The following PRKN variants were observed in gnomAD, a reference collection of about 807,000 sequenced individuals.
PRKN encodes E3 ubiquitin-protein ligase parkin.
PRKN carries 56 observed loss-of-function variants against 59.5 expected under a neutral mutation model. The observed-to-expected ratio is 0.94, with a 90% CI of 0.76 to 1.18. The LOEUF is 1.18. Among genes scored for constraint, PRKN ranks in the 50% most tolerant of loss-of-function variants. The pLI is 0.00. For missense variants in PRKN, 657 were observed against 596.4 expected, an observed-to-expected ratio of 1.10 and a Z score of -1.06; for synonymous variants, 250 against 222.1, an observed-to-expected ratio of 1.13 and a Z score of -1.12.
intron 1 of PRKN, among the ~76,000 whole-genome samples, chr6:162,694,256 AAG>A (rs1317584611): frequency 6.6e-6 from 1 of 151,092 alleles, no homozygotes; most frequent in African/African-American, 2.4e-5. Context: ...AAAAAAAAAA[AAG>A]AAGAAATATG....
intron 2 of PRKN, among the ~76,000 whole-genome samples, chr6:162,284,300 C>A (rs1486284176): frequency 1.4e-5 from 2 of 141,500 alleles, no homozygotes; most frequent in Admixed American, 1.5e-4. Context: ...TCTCGGCTCA[C>A]TGCAACGTCC....
chr6:161,806,989 A>G (rs1234884404), intron 6 of PRKN, among the ~76,000 whole-genome samples: 1 of 152,218 alleles, frequency 6.6e-6, no homozygotes, highest in Non-Finnish European at 1.5e-5. Flanking sequence ...TGAGGATGGT[A>G]GTTACCGATT....
chr6:162,250,040 G>A (rs1257603047), intron 3 of PRKN, among the ~76,000 whole-genome samples: 5 of 152,008 alleles, frequency 3.3e-5, no homozygotes, highest in East Asian at 1.9e-4. Context: ...CAGCTACTCC[G>A]GAGGCTGAGG....
chr6:162,683,777 A>G (rs191002035), intron 1 of PRKN, among the ~76,000 whole-genome samples: 158 of 152,292 alleles, frequency 1.0e-3, no homozygotes, highest in African/African-American at 3.7e-3. Flanking sequence ...CAGGAAACAA[A>G]AAGACAACTT....
chr6:162,426,471 G>A (rs1441560025), intron 2 of PRKN, among the ~76,000 whole-genome samples: 1 of 152,198 alleles, frequency 6.6e-6, no homozygotes. Context: ...TTTTTTCTGA[G>A]ACAAGGTCTG....
chr6:161,506,091 C>T (rs1007646982), intron 9 of PRKN, among the ~76,000 whole-genome samples: 17 of 150,814 alleles, frequency 1.1e-4, no homozygotes, highest in Non-Finnish European at 1.8e-4. Context: ...ATGGGGATGG[C>T]ATTGAATCTA....
At chr6:162,013,251 C>T (rs1782805006) in intron 5 of PRKN, among the ~76,000 whole-genome samples, 1 of 152,196 alleles carries the variant, frequency 6.6e-6, no homozygotes, top group South Asian at 2.1e-4. Flanking sequence ...GTCATAATAT[C>T]ATTATTTATT....
At chr6:162,158,333 G>T (rs1782609177) in intron 4 of PRKN, among the ~76,000 whole-genome samples, 1 of 151,592 alleles carries the variant, frequency 6.6e-6, no homozygotes, top group Admixed American at 6.6e-5. Flanking sequence ...AAAACATGCT[G>T]CCCAGATCTT....
chr6:162,000,933 T>G (rs1056741700), intron 5 of PRKN, among the ~76,000 whole-genome samples: 1 of 152,066 alleles, frequency 6.6e-6, no homozygotes. Context: ...TCTTTGCTTC[T>G]TTGTTAAAGA....
chr6:161,542,668 A>T (rs954552543), intron 9 of PRKN, among the ~76,000 whole-genome samples: 11 of 152,214 alleles, frequency 7.2e-5, no homozygotes, highest in Non-Finnish European at 1.6e-4. Context: ...TCTTTTTTAA[A>T]ATGCTCTTTG....
intron 7 of PRKN, among the ~76,000 whole-genome samples, chr6:161,747,415 C>A (rs1435095816): frequency 1.3e-5 from 2 of 148,388 alleles, no homozygotes; most frequent in African/African-American, 2.5e-5. Flanking sequence ...TTTTTCTCAT[C>A]AGAAAACTGA....
intron 2 of PRKN, among the ~76,000 whole-genome samples, chr6:162,387,555 CAGAGAGAGAGAGAGAGAGAGAGAGAG>C (rs60548327): frequency 4.2e-5 from 4 of 95,576 alleles, no homozygotes; most frequent in Admixed American, 1.2e-4. Context: ...CACACACACA[CAGAGAGAGAGAGAGAGAGAGAGAGAG>C]AGAGAGAGAG....
In PRKN at chr6:162,298,500, G is replaced by T. The variant is rs184640644; in HGVS notation, c.172-35735C>A. 2.3e-3 allele frequency among the ~76,000 whole-genome samples: 357 copies of T among 151,944 alleles called. 3 individuals carry two copies. The highest frequency in any genetic ancestry group is 4.5e-3 in the Non-Finnish European group (305 of 67,984). On this transcript the variant is annotated intron_variant, in intron 2 of 11. Transcript: ENST00000366898. The stretch of plus-strand genomic sequence containing the variant: ...TCTGGAATCTGAACTGACACACCCT[G>T]GAATTACAGGGTTATGTTTCCCTGA...
intron 4 of PRKN, among the ~76,000 whole-genome samples, chr6:162,136,359 T>C (rs1220551618): frequency 6.6e-6 from 1 of 152,156 alleles, no homozygotes; most frequent in East Asian, 1.9e-4. Context: ...GTAATACATA[T>C]GCAAGTATTT....
chr6:162,006,097 A>ATT (rs920757988), intron 5 of PRKN, among the ~76,000 whole-genome samples: 3 of 152,170 alleles, frequency 2.0e-5, no homozygotes, highest in African/African-American at 7.2e-5. Flanking sequence ...GCTTTGAAAC[A>ATT]TTTAAAATGA....
At chr6:162,500,450 G>T (rs1373436447) in intron 1 of PRKN, among the ~76,000 whole-genome samples, 1 of 152,146 alleles carries the variant, frequency 6.6e-6, no homozygotes, top group African/African-American at 2.4e-5. Context: ...GGGATTACAG[G>T]CGTGAGCCAC....
intron 1 of PRKN, among the ~76,000 whole-genome samples, chr6:162,627,522 T>C (rs1782943073): frequency 6.6e-6 from 1 of 152,066 alleles, no homozygotes; most frequent in Non-Finnish European, 1.5e-5. Context: ...TTTTTCTTTA[T>C]TTAAGGAAGG....
Position 161,680,762 on chromosome 6 carries a change from TATATATA to T in PRKN, c.871+105003_871+105009del, listed in dbSNP as rs1445320879. On this transcript the variant is annotated intron_variant, in intron 7 of 11. Transcript: ENST00000366898. ...ATATATATATATATATATATATATA[TATATATA>T]TATATATTTTTTTTTTTTTTTCTTT... Among the ~76,000 whole-genome samples, 171 of 18,226 alleles carry T rather than the reference TATATATA, an allele frequency of 9.4e-3. 9 individuals carry two copies. The highest frequency in any genetic ancestry group is 0.026 in the African/African-American group (140 of 5,390). 12.0% of individuals were successfully genotyped at this position (18,226 alleles called of 152,430 possible). A position where few individuals can be genotyped will look rare whatever the true frequency, so the allele number is the denominator to read the frequency against.
chr6:161,842,485 G>C (rs2128220906), intron 6 of PRKN, among the ~76,000 whole-genome samples: 1 of 146,278 alleles, frequency 6.8e-6, no homozygotes, highest in Non-Finnish European at 1.5e-5. Context: ...AAAAAAAATA[G>C]CCATGGGCAA....
Sources: gnomAD v4.1 joint callset for allele counts (sites outside exome capture counted in the v4.1 genomes callset) on GRCh38, gnomAD v4.1.1 for gene constraint, MANE v1.5 for transcripts, NCBI Gene and HGNC (gene_info 2026-07-23, HGNC 2026-07-21) for gene names.